Variants in COPA observed in about 807,000 individuals in gnomAD.
COPA encodes the protein coat protein complex I subunit alpha, also known as coatomer subunit alpha.
Under a neutral mutation model 158.7 loss-of-function variants are expected in COPA, and 10 were observed. That is an observed-to-expected ratio of 0.06 (90% CI 0.04 to 0.11). The LOEUF is 0.11. COPA is among the 10% of genes least tolerant of loss of function. The probability of loss-of-function intolerance (pLI) is 1.00; values close to 1 mark genes in which losing one functional copy is unlikely to be tolerated. For missense variants in COPA, 1,065 were observed against 1,536.7 expected, an observed-to-expected ratio of 0.69 and a Z score of 5.13; for synonymous variants, 462 against 542.8, an observed-to-expected ratio of 0.85 and a Z score of 2.07.
rs910151947 is a variant in COPA at position 160,324,573 on chromosome 1, C to T, written c.606+970G>A. Reference sequence around the variant, plus strand: ...TCGGTCTCCCAAAGTGCTGAGATTACAGGTGTGACCCACTGCACCCAGCCT... The same window carrying T: ...TCGGTCTCCCAAAGTGCTGAGATTATAGGTGTGACCCACTGCACCCAGCCT... On this transcript the variant is annotated intron_variant, in intron 7 of 32. Transcript: ENST00000241704. Among the ~76,000 whole-genome samples, 14 of 151,516 alleles carry T rather than the reference C, an allele frequency of 9.2e-5. No homozygotes were observed. The East Asian group carries it at 2.5e-3, about 27-fold the overall frequency.
chr1:160,313,565 C>A (rs750144862), intron 9 of COPA, among the ~76,000 whole-genome samples: 85 of 152,248 alleles, frequency 5.6e-4, no homozygotes, highest in Non-Finnish European at 9.6e-4. Context: ...CAGGCGCCCG[C>A]CACCACGCCC....
At chr1:160,304,305 C>T (rs1333171468) in intron 17 of COPA, among the ~76,000 whole-genome samples, 1 of 151,752 alleles carries the variant, frequency 6.6e-6, no homozygotes, top group African/African-American at 2.4e-5. Flanking sequence ...TGAGCCACCA[C>T]GCCCAACCCA....
intron 1 of COPA, 33 bp from the exon 2 acceptor site, chr1:160,340,327 A>T (rs772039492): frequency 7.2e-6 from 10 of 1,381,890 alleles, no homozygotes; most frequent in Non-Finnish European, 9.2e-6. Context: ...CAATGAGCTA[A>T]CTAAGCCCCA....
At chr1:160,290,332 C>A in intron 32 of COPA, 116 bp from the exon 33 acceptor site, 1 of 1,398,426 alleles carries the variant, frequency 7.2e-7, no homozygotes, top group Non-Finnish European at 1.0e-6. Context: ...GTGTTCATCA[C>A]TGACTGGCCA....
intron 9 of COPA, among the ~76,000 whole-genome samples, chr1:160,313,475 C>T (rs187220735): frequency 0.01 from 1,556 of 151,728 alleles, 9 homozygotes; most frequent in Middle Eastern, 0.027. Flanking sequence ...AGTGCAGTGG[C>T]GCGATCTCGG....
chr1:160,331,763 T>C (rs1264031921), intron 6 of COPA, among the ~76,000 whole-genome samples: 1 of 151,410 alleles, frequency 6.6e-6, no homozygotes, highest in Admixed American at 6.6e-5. Context: ...GCCTGGCCAA[T>C]ATGGTGAAAC....
rs779871568 is a variant in COPA at position 160,310,277 on chromosome 1, A to T, written c.1077-19T>A. 2 of 1,523,634 alleles carry T rather than the reference A, an allele frequency of 1.3e-6. No homozygotes were observed. The allele number at this position is 1,523,634 out of a possible 1,614,324, so 94.4% of individuals were successfully genotyped here. On this transcript the variant is annotated intron_variant, in intron 11 of 32. Coordinates refer to ENST00000241704, the MANE Select transcript of COPA (RefSeq NM_004371.4). ...GGAACCACTAGAGATATATATAGAA[A>T]AAGGAGAAAACAGGGAAGAGGCATA...
At chr1:160,321,508 C>A (rs924613994) in intron 8 of COPA, among the ~76,000 whole-genome samples, 5 of 152,128 alleles carry the variant, frequency 3.3e-5, no homozygotes, top group African/African-American at 9.7e-5. Flanking sequence ...AGTAGCATGA[C>A]CAGGTGCAGT....
At position 160,325,623 on chromosome 1, in the gene COPA, C is replaced by T; in HGVS notation, c.526G>A (p.Ala176Thr). 6.8e-6 allele frequency: 11 copies of T among 1,614,152 alleles called. No individual in the cohort carries two copies. The highest frequency in any genetic ancestry group is 9.3e-6 in the Non-Finnish European group (11 of 1,180,032). Residue 176 changes from alanine to threonine, a missense_variant, in exon 7 of 33, where the codon GCG (alanine) becomes ACG (threonine). Physicochemically the swap from Ala to Thr is moderately conservative, Grantham distance 58. Around this residue, in one of 2 missense-constraint regions of COPA, gnomAD observed 980 missense variants for 1,357.8 expected, o/e 0.72. Coordinates refer to ENST00000241704, the MANE Select transcript of COPA (RefSeq NM_004371.4). ...GLRKKNLSPG[A>T]VESDVRGITG... ...ATTCCTCTCACATCCGATTCCACCG[C>T]ACCAGGGGACAGGTTTTTTTTCCTC...
At chr1:160,322,931 C>T (rs58354406) in intron 8 of COPA, among the ~76,000 whole-genome samples, 5,002 of 151,902 alleles carry the variant, frequency 0.033, 276 homozygotes, top group African/African-American at 0.12. Context: ...AGCCAAAATA[C>T]GGAATCAACT....
intron 6 of COPA, among the ~76,000 whole-genome samples, chr1:160,328,745 T>G (rs1329908959): frequency 6.6e-6 from 1 of 152,228 alleles, no homozygotes; most frequent in East Asian, 1.9e-4. Flanking sequence ...GAAAGTAACC[T>G]TTTATATGTA....
intron 6 of COPA, among the ~76,000 whole-genome samples, chr1:160,331,701 G>C (rs1647528161): frequency 6.7e-6 from 1 of 149,852 alleles, no homozygotes; most frequent in African/African-American, 2.5e-5. Flanking sequence ...TGTAGTCCCA[G>C]TACTTTGGGA....
intron 19 of COPA, among the ~76,000 whole-genome samples, chr1:160,298,054 G>A (rs1184039819): frequency 2.0e-5 from 3 of 151,952 alleles, no homozygotes; most frequent in Non-Finnish European, 4.4e-5. Context: ...CATGGTGCAC[G>A]CCTGTAGTCC....
chr1:160,298,177 G>A (rs1212808567), intron 19 of COPA, among the ~76,000 whole-genome samples: 12 of 148,122 alleles, frequency 8.1e-5, no homozygotes, highest in Non-Finnish European at 1.2e-4. Flanking sequence ...GCGAGACTCC[G>A]CCTCAAAAAA....
At chr1:160,308,951 C>T (rs1005326279) in intron 13 of COPA, 150 bp downstream of exon 13, 4 of 601,078 alleles carry the variant, frequency 6.7e-6, no homozygotes, top group South Asian at 4.4e-5. Flanking sequence ...ACACCATGGT[C>T]GCCTCTGATG....
intron 8 of COPA, among the ~76,000 whole-genome samples, chr1:160,315,546 T>C (rs367631128): frequency 6.6e-6 from 1 of 152,186 alleles, no homozygotes; most frequent in South Asian, 2.1e-4. Context: ...AATGCTCTGG[T>C]CATTTACTAA....
intron 8 of COPA, among the ~76,000 whole-genome samples, chr1:160,322,360 T>C (rs1407264093): frequency 6.6e-6 from 1 of 152,094 alleles, no homozygotes; most frequent in African/African-American, 2.4e-5. Context: ...TACAATAAAG[T>C]GTTGGGAAAA....
rs1261772009 is a variant in COPA at position 160,297,668 on chromosome 1, C to A, written c.2055G>T (p.Gly685=). The A allele has an allele frequency of 6.2e-7, 1 of 1,613,994 alleles. No homozygotes were observed. The highest frequency in any genetic ancestry group is 8.5e-7 in the Non-Finnish European group (1 of 1,180,032). The change falls in exon 20 of 33, where the codon GGG becomes GGT. Residue 685 remains glycine, a synonymous_variant. Transcript: ENST00000241704. The part of the protein sequence containing the change: ...EKLGEVALLQ[G]NHQIVEMCYQ... The stretch of plus-strand genomic sequence containing the variant: ...AGCACATTTCCACAATCTGGTGGTT[C>A]CCCTGCAGCAGGGCCACTTCTCCCA...
intron 5 of COPA, 35 bp from the exon 6 acceptor site, chr1:160,332,592 G>T: frequency 6.8e-7 from 1 of 1,467,124 alleles, no homozygotes; most frequent in Non-Finnish European, 9.4e-7. Context: ...CCAAATTAGA[G>T]GTGGAAGTCA....
Sources: gnomAD v4.1 joint callset for allele counts (sites outside exome capture counted in the v4.1 genomes callset) on GRCh38, gnomAD v4.1.1 for gene constraint, gnomAD v4.1.1 regional missense constraint, MANE v1.5 for transcripts, NCBI Gene and HGNC (gene_info 2026-07-23, HGNC 2026-07-21) for gene names.